ITPK1: variants seen among roughly 807,000 people sequenced by gnomAD.
The protein encoded by ITPK1 is inositol-tetrakisphosphate 1-kinase, also known as inositol 1,3,4-trisphosphate 5/6-kinase.
In ITPK1, 21 loss-of-function variants were observed where a neutral mutation model predicts 45.3. That is an observed-to-expected ratio of 0.46 (90% CI 0.33 to 0.67). The LOEUF is 0.67. Among genes scored for constraint, ITPK1 ranks in the 30% least tolerant of loss-of-function variants. The pLI is 0.02. For synonymous variants in ITPK1, 258 were observed against 253.6 expected, an observed-to-expected ratio of 1.02 and a Z score of -0.16; for missense variants, 474 against 573.5, an observed-to-expected ratio of 0.83 and a Z score of 1.77.
In ITPK1 at chr14:92,940,823, G is replaced by A. The variant is rs925585421; in HGVS notation, c.*738C>T. The A allele has an allele frequency of 2.2e-5, 28 of 1,284,914 alleles. No individual in the cohort carries two copies. Among genetic ancestry groups the A allele is most frequent in the South Asian group, 8.7e-5 (7 of 80,364 alleles). 79.6% of individuals were successfully genotyped at this position (1,284,914 alleles called of 1,614,324 possible). On this transcript the variant is annotated 3_prime_UTR_variant, in exon 11 of 11. Coordinates refer to ENST00000267615, the MANE Select transcript of ITPK1 (RefSeq NM_014216.6). ...CCTCCAGCCAGGCAGCCTCCTTCCC[G>A]GGCTCCAGGGAGCAGCAGTGCTGGC...
chr14:93,107,412 G>A lies in ITPK1; in HGVS notation c.95+7657C>T, dbSNP rs144996762. Reference sequence around the variant, plus strand: ...GCAGGACAATGAGCAAGTCAGAGAGGAAGAACAGGCCCAGTGGTGGGGGCC... The same window carrying A: ...GCAGGACAATGAGCAAGTCAGAGAGAAAGAACAGGCCCAGTGGTGGGGGCC... On this transcript the variant is annotated intron_variant, in intron 2 of 10. Transcript: ENST00000267615. Among the ~76,000 whole-genome samples the A allele has an allele frequency of 3.1e-4, 47 of 152,364 alleles. 1 individual carries two copies. Among genetic ancestry groups the A allele is most frequent in the African/African-American group, 8.2e-4 (34 of 41,584 alleles).
At chr14:92,948,378 A>G (rs1402400198) in intron 9 of ITPK1, among the ~76,000 whole-genome samples, 2 of 152,136 alleles carry the variant, frequency 1.3e-5, no homozygotes, top group African/African-American at 4.8e-5. Context: ...TTTAGAGACA[A>G]TGTTTCACTC....
rs1016467685 is a variant in ITPK1, at chr14:93,032,798, C to T, written c.121-15997G>A. On this transcript the variant is annotated intron_variant, in intron 3 of 10. Transcript: ENST00000267615. This position sits in a 1 kb window ranked among gnomAD's most constrained non-coding sequence, Gnocchi z 4.0. ...GCTGGGACTCACGAAGGGGCCATCG[C>T]ACTCTGCAGACTGCAGCGTACTCCA... Among the ~76,000 whole-genome samples, 2 of 152,232 alleles carry T rather than the reference C, an allele frequency of 1.3e-5. No individual in the cohort carries two copies. Among genetic ancestry groups the T allele is most frequent in the Non-Finnish European group, 2.9e-5 (2 of 68,044 alleles).
intron 3 of ITPK1, among the ~76,000 whole-genome samples, chr14:93,029,189 TGATGA>T (rs1244924742): frequency 4.6e-5 from 7 of 152,062 alleles, no homozygotes; most frequent in African/African-American, 1.7e-4. Context: ...AAAAAGGACA[TGATGA>T]GATGAGGGAA....
intron 3 of ITPK1, among the ~76,000 whole-genome samples, chr14:93,023,208 G>A (rs1888559576): frequency 1.3e-5 from 2 of 152,190 alleles, no homozygotes; most frequent in South Asian, 4.1e-4. Flanking sequence ...ACACAAGGCA[G>A]GACTGCACTT....
At chr14:93,015,189 G>A (rs972698302) in intron 4 of ITPK1, among the ~76,000 whole-genome samples, 5 of 152,170 alleles carry the variant, frequency 3.3e-5, no homozygotes, top group Non-Finnish European at 7.3e-5. Flanking sequence ...GATGAGCAGC[G>A]GCTCACCTGA....
At chr14:93,105,693 T>C (rs1342338901) in intron 2 of ITPK1, among the ~76,000 whole-genome samples, 2 of 142,288 alleles carry the variant, frequency 1.4e-5, no homozygotes, top group Non-Finnish European at 3.0e-5. Flanking sequence ...CCTGGCTAAT[T>C]TTTGTGGGGT....
At chr14:93,018,361 C>T (rs541747243) in intron 3 of ITPK1, among the ~76,000 whole-genome samples, 5 of 152,136 alleles carry the variant, frequency 3.3e-5, no homozygotes, top group East Asian at 1.9e-4. Context: ...TTGTTAGCAC[C>T]GGGGAACTTT....
chr14:92,974,715 T>C (rs545575716), intron 5 of ITPK1, among the ~76,000 whole-genome samples: 3 of 152,330 alleles, frequency 2.0e-5, no homozygotes, highest in African/African-American at 7.2e-5. Context: ...CCGTGCTGCT[T>C]AGGCACTGAG....
At chr14:93,025,954 C>T (rs1226911827) in intron 3 of ITPK1, among the ~76,000 whole-genome samples, 2 of 152,106 alleles carry the variant, frequency 1.3e-5, no homozygotes, top group Admixed American at 6.5e-5. Context: ...AGAGTGAGAC[C>T]CCATCTCTAA....
chr14:92,996,810 CTA>C (rs773692732), intron 4 of ITPK1, among the ~76,000 whole-genome samples: 22 of 152,282 alleles, frequency 1.4e-4, no homozygotes, highest in East Asian at 7.7e-4. Context: ...AGTGGGAAGG[CTA>C]TGTGACCTAG....
At chr14:92,969,828 G>A (rs1885560419) in intron 5 of ITPK1, among the ~76,000 whole-genome samples, 1 of 152,128 alleles carries the variant, frequency 6.6e-6, no homozygotes, top group Non-Finnish European at 1.5e-5. Flanking sequence ...TGGTTGGATG[G>A]TGGGTTGTGT....
Position 92,938,827 on chromosome 14 carries a change from A to G in ITPK1, c.*2734T>C, listed in dbSNP as rs1017898982. 7.4e-6 allele frequency: 4 copies of G among 538,330 alleles called. No individual in the cohort carries two copies. Among genetic ancestry groups the G allele is most frequent in the African/African-American group, 5.7e-5 (3 of 52,514 alleles). The allele number at this position is 538,330 out of a possible 1,614,324, so 33.3% of individuals were successfully genotyped here. A position where few individuals can be genotyped will look rare whatever the true frequency, so the allele number is the denominator to read the frequency against. On this transcript the variant is annotated 3_prime_UTR_variant, in exon 11 of 11. Transcript: ENST00000267615. The stretch of plus-strand genomic sequence containing the variant: ...GTTATGTTTGCAGAATCACATCACC[A>G]TATAATCAAAGCACTGTCAGGCAGA...
chr14:92,946,519 G>T, intron 9 of ITPK1, 26 bp from the exon 10 acceptor site: 1 of 1,608,830 alleles, frequency 6.2e-7, no homozygotes, highest in Non-Finnish European at 8.5e-7. Context: ...AGGAAGTCAG[G>T]CCATGGGCCG....
rs533819460 is a variant in ITPK1 at position 92,940,871 on chromosome 14, C to T, written c.*690G>A. The stretch of plus-strand genomic sequence containing the variant: ...GGCTTAGGGGAAGGAGACCGCTGTG[C>T]AGGGCTAAATGGGACGTGTGTTGGG... On this transcript the variant is annotated 3_prime_UTR_variant, in exon 11 of 11. Coordinates refer to ENST00000267615, the MANE Select transcript of ITPK1 (RefSeq NM_014216.6). 2.7e-5 allele frequency: 35 copies of T among 1,288,722 alleles called. No homozygotes were observed. The African/African-American group carries it at 5.0e-4, about 18-fold the overall frequency. The allele number at this position is 1,288,722 out of a possible 1,614,324, so 79.8% of individuals were successfully genotyped here. A position where few individuals can be genotyped will look rare whatever the true frequency, so the allele number is the denominator to read the frequency against.
intron 3 of ITPK1, among the ~76,000 whole-genome samples, chr14:93,072,584 G>A (rs1301800218): frequency 2.7e-5 from 4 of 150,416 alleles, no homozygotes; most frequent in Non-Finnish European, 5.9e-5. Context: ...AAGAATTACA[G>A]TAATCTAGTC....
intron 3 of ITPK1, among the ~76,000 whole-genome samples, chr14:93,039,800 C>A (rs1349160816): frequency 6.6e-6 from 1 of 152,246 alleles, no homozygotes; most frequent in Non-Finnish European, 1.5e-5. Context: ...GGGAGTTCTC[C>A]CTGCCAAAGT....
At chr14:93,040,323 G>A (rs760389852) in intron 3 of ITPK1, among the ~76,000 whole-genome samples, 1 of 152,162 alleles carries the variant, frequency 6.6e-6, no homozygotes, top group African/African-American at 2.4e-5. Flanking sequence ...GCAGGGCCTC[G>A]GCCCAATGTC....
chr14:93,088,192 C>A (rs922614152), intron 2 of ITPK1, among the ~76,000 whole-genome samples: 5 of 152,198 alleles, frequency 3.3e-5, no homozygotes, highest in African/African-American at 1.2e-4. Context: ...CCCAGGCCTG[C>A]TCTCCCTGTC....
Sources: gnomAD v4.1 joint callset for allele counts (sites outside exome capture counted in the v4.1 genomes callset) on GRCh38, gnomAD v4.1.1 for gene constraint, Gnocchi (gnomAD v3.1) non-coding constraint, MANE v1.5 for transcripts, NCBI Gene and HGNC (gene_info 2026-07-23, HGNC 2026-07-21) for gene names.